The following GPCPD1 variants were observed in gnomAD, a reference collection of about 807,000 sequenced individuals.
The protein encoded by GPCPD1 is glycerophosphocholine phosphodiesterase 1.
A neutral mutation model predicts 89.2 loss-of-function variants in GPCPD1; 29 were observed. The observed-to-expected ratio is 0.33, with a 90% CI of 0.24 to 0.44. The LOEUF (loss-of-function observed/expected upper bound fraction) is 0.44, where lower values mean the gene tolerates loss of function less well. Among genes scored for constraint, GPCPD1 ranks in the 20% least tolerant of loss-of-function variants. The pLI is 1.00. For synonymous variants in GPCPD1, 258 were observed against 266.3 expected, an observed-to-expected ratio of 0.97 and a Z score of 0.30; for missense variants, 594 against 808.9, an observed-to-expected ratio of 0.73 and a Z score of 3.22.
chr20:5,597,304 GT>G (rs1407693223), intron 3 of GPCPD1, among the ~76,000 whole-genome samples: 1 of 151,820 alleles, frequency 6.6e-6, no homozygotes, highest in African/African-American at 2.4e-5. Flanking sequence ...GTTATTTTCC[GT>G]TGCTTTACCA....
At chr20:5,563,998 C>A (rs1351277333) in intron 15 of GPCPD1, among the ~76,000 whole-genome samples, 1 of 152,066 alleles carries the variant, frequency 6.6e-6, no homozygotes, top group Non-Finnish European at 1.5e-5. Context: ...ACTAAAACTA[C>A]CTATTTTTGC....
intron 8 of GPCPD1, among the ~76,000 whole-genome samples, chr20:5,576,986 C>T (rs978111870): frequency 4.6e-5 from 7 of 151,780 alleles, no homozygotes; most frequent in African/African-American, 1.7e-4. Flanking sequence ...AGGAGGATCG[C>T]TTGAGCCCAG....
intron 2 of GPCPD1, among the ~76,000 whole-genome samples, 187 bp from the exon 3 acceptor site, chr20:5,599,008 C>A (rs1979937625): frequency 6.6e-6 from 1 of 152,136 alleles, no homozygotes; most frequent in Non-Finnish European, 1.5e-5. Flanking sequence ...ACTCGACTCA[C>A]CTTTCTAGAA....
At chr20:5,550,761 T>C (rs970363141) in intron 19 of GPCPD1, among the ~76,000 whole-genome samples, 1 of 152,242 alleles carries the variant, frequency 6.6e-6, no homozygotes, top group African/African-American at 2.4e-5. Flanking sequence ...TTACCTCCTG[T>C]GTCCACCTTT....
intron 11 of GPCPD1, among the ~76,000 whole-genome samples, chr20:5,573,573 A>G (rs1339054155): frequency 6.6e-6 from 1 of 152,102 alleles, no homozygotes; most frequent in African/African-American, 2.4e-5. Flanking sequence ...CTGAATCTAC[A>G]AAAGAGAAAA....
At chr20:5,587,502 G>C (rs966507535) in intron 4 of GPCPD1, among the ~76,000 whole-genome samples, 2 of 152,042 alleles carry the variant, frequency 1.3e-5, no homozygotes, top group African/African-American at 4.8e-5. Flanking sequence ...TGAGTAGCTG[G>C]AATTAAAGGC....
At chr20:5,565,872 T>C (rs530027234) in intron 14 of GPCPD1, among the ~76,000 whole-genome samples, 2 of 152,328 alleles carry the variant, frequency 1.3e-5, no homozygotes, top group East Asian at 1.9e-4. Context: ...AAAAAAAGAA[T>C]TATTTTCCAA....
At chr20:5,563,112 A>G (rs1480853226) in intron 15 of GPCPD1, among the ~76,000 whole-genome samples, 2 of 151,754 alleles carry the variant, frequency 1.3e-5, no homozygotes, top group African/African-American at 4.8e-5. Context: ...CCTCCCGAGT[A>G]GCTGGGACTA....
chr20:5,596,835 T>C (rs781409558), intron 3 of GPCPD1, among the ~76,000 whole-genome samples: 1 of 152,212 alleles, frequency 6.6e-6, no homozygotes, highest in Non-Finnish European at 1.5e-5. Flanking sequence ...GTGTATCTAC[T>C]CCCTTCTCCC....
chr20:5,565,201 C>T (rs907377953), intron 14 of GPCPD1, 123 bp from the exon 15 acceptor site: 44 of 618,464 alleles, frequency 7.1e-5, no homozygotes, highest in African/African-American at 7.6e-5. Context: ...TGAGCAAGCG[C>T]GAGAGCATAA....
At chr20:5,558,215 T>C (rs1367058025) in intron 18 of GPCPD1, 110 bp from the exon 19 acceptor site, 4 of 575,490 alleles carry the variant, frequency 7.0e-6, no homozygotes, top group African/African-American at 5.8e-5. Flanking sequence ...GAAAAGAAAA[T>C]GGTAGATTTT....
intron 6 of GPCPD1, among the ~76,000 whole-genome samples, chr20:5,581,328 T>C (rs1978467668): frequency 6.6e-6 from 1 of 152,182 alleles, no homozygotes; most frequent in African/African-American, 2.4e-5. Context: ...TAATTAGCTA[T>C]ACTGTCACAA....
intron 8 of GPCPD1, 63 bp from the exon 9 acceptor site, chr20:5,576,041 A>G: frequency 5.5e-6 from 1 of 180,552 alleles, no homozygotes; most frequent in Non-Finnish European, 1.0e-5. Flanking sequence ...ACATACATAT[A>G]CACACACACA....
At chr20:5,552,657 T>A (rs1212154314) in intron 19 of GPCPD1, among the ~76,000 whole-genome samples, 1 of 152,246 alleles carries the variant, frequency 6.6e-6, no homozygotes, top group Non-Finnish European at 1.5e-5. Flanking sequence ...ATTTAAAATT[T>A]TAATTAAATT....
At chr20:5,589,696 C>G (rs1979190762) in intron 4 of GPCPD1, among the ~76,000 whole-genome samples, 1 of 152,194 alleles carries the variant, frequency 6.6e-6, no homozygotes, top group Non-Finnish European at 1.5e-5. Context: ...ATTTTTTAAT[C>G]CTGGTCTCAT....
chr20:5,544,486 C>G lies in GPCPD1; in HGVS notation c.*3175G>C, dbSNP rs938191574. On this transcript the variant is annotated 3_prime_UTR_variant, in exon 20 of 20. Transcript: ENST00000379019. The stretch of plus-strand genomic sequence containing the variant: ...ATCTAGTTCATAACTAAGGATAGAA[C>G]ACTATAGCAGTGCTAGAGATGCAAA... The G allele has an allele frequency of 6.6e-6, 1 of 152,206 alleles. No homozygotes were observed. Among genetic ancestry groups the G allele is most frequent in the African/African-American group, 2.4e-5 (1 of 41,458 alleles). The allele number at this position is 152,206 out of a possible 1,614,324, so 9.4% of individuals were successfully genotyped here. A position where few individuals can be genotyped will look rare whatever the true frequency, so the allele number is the denominator to read the frequency against.
At chr20:5,598,872 TGG>T (rs1483781465) in intron 2 of GPCPD1, 51 bp from the exon 3 acceptor site, 2 of 1,161,798 alleles carry the variant, frequency 1.7e-6, no homozygotes, top group Non-Finnish European at 2.6e-6. Context: ...TCAGTCACAG[TGG>T]GATAAGCAGG....
intron 2 of GPCPD1, among the ~76,000 whole-genome samples, chr20:5,601,558 G>A (rs759797392): frequency 1.3e-5 from 2 of 151,678 alleles, no homozygotes; most frequent in African/African-American, 4.8e-5. Context: ...TAGTAGAGAC[G>A]GAGTTTCACC....
intron 1 of GPCPD1, among the ~76,000 whole-genome samples, chr20:5,607,986 C>A (rs1272778565): frequency 6.6e-6 from 1 of 152,166 alleles, no homozygotes; most frequent in Non-Finnish European, 1.5e-5. Flanking sequence ...CAACTAAAGA[C>A]AACCTCATAT....
Sources: gnomAD v4.1 joint callset for allele counts (sites outside exome capture counted in the v4.1 genomes callset) on GRCh38, gnomAD v4.1.1 for gene constraint, MANE v1.5 for transcripts, NCBI Gene and HGNC (gene_info 2026-07-23, HGNC 2026-07-21) for gene names.